C10orf90: variants seen among roughly 807,000 people sequenced by gnomAD.
The protein encoded by C10orf90 is chromosome 10 open reading frame 90.
In C10orf90, 56 loss-of-function variants were observed where a neutral mutation model predicts 62.5. The ratio of observed to expected loss-of-function variants is 0.90; its 90% CI spans 0.72 to 1.12. The LOEUF (loss-of-function observed/expected upper bound fraction) is 1.12, where lower values mean the gene tolerates loss of function less well. Ranked by LOEUF, C10orf90 falls within the 50% of genes most tolerant of loss-of-function variation. The probability of loss-of-function intolerance (pLI) is 0.00; values close to 1 mark genes in which losing one functional copy is unlikely to be tolerated. For missense variants in C10orf90, 970 were observed against 880.4 expected (o/e 1.10, Z -1.29); for synonymous variants, 386 against 340.4 (o/e 1.13, Z -1.47).
At chr10:126,464,547 C>T (rs536241590) in intron 5 of C10orf90, 149 bp downstream of exon 5, 3 of 946,974 alleles carry the variant, frequency 3.2e-6, no homozygotes, top group Non-Finnish European at 4.8e-6. Flanking sequence ...ACTTGGCAAC[C>T]ATTTGTCCCC....
chr10:126,626,501 T>G (rs1414104880), intron 2 of C10orf90, among the ~76,000 whole-genome samples: 1 of 152,202 alleles, frequency 6.6e-6, no homozygotes, highest in Non-Finnish European at 1.5e-5. Context: ...CCACCTGTCT[T>G]GCCTCGTGTG....
chr10:126,572,082 C>T (rs545438834), intron 2 of C10orf90, among the ~76,000 whole-genome samples: 2 of 152,234 alleles, frequency 1.3e-5, no homozygotes, highest in East Asian at 1.9e-4. Context: ...AATAAGGCTA[C>T]GACCTGCTGG....
chr10:126,565,050 A>AAAATATATATT (rs1844307413), intron 2 of C10orf90, among the ~76,000 whole-genome samples: 1 of 24,586 alleles, frequency 4.1e-5, no homozygotes, highest in Non-Finnish European at 7.4e-5. Context: ...TATAATATAT[A>AAAATATATATT]ATATATAAAA....
At chr10:126,443,727 A>C (rs1858553950) in intron 7 of C10orf90, among the ~76,000 whole-genome samples, 1 of 152,062 alleles carries the variant, frequency 6.6e-6, no homozygotes, top group Non-Finnish European at 1.5e-5. Flanking sequence ...CCAAAACAGA[A>C]AACTACAGAC....
intron 4 of C10orf90, among the ~76,000 whole-genome samples, chr10:126,475,908 C>T (rs1157276667): frequency 6.6e-6 from 1 of 152,252 alleles, no homozygotes; most frequent in East Asian, 1.9e-4. Context: ...GATACGTATT[C>T]AACGTCCAAA....
chr10:126,538,781 C>G (rs1211568668), intron 2 of C10orf90, among the ~76,000 whole-genome samples: 3 of 152,160 alleles, frequency 2.0e-5, no homozygotes, highest in South Asian at 4.1e-4. Flanking sequence ...CCATGCTTAA[C>G]CCTGTACCAT....
intron 2 of C10orf90, among the ~76,000 whole-genome samples, chr10:126,548,387 A>G (rs906346824): frequency 1.8e-4 from 28 of 151,982 alleles, no homozygotes; most frequent in Admixed American, 1.8e-3. Flanking sequence ...TTTTTTTTAG[A>G]CAAAGTCTCT....
Position 126,456,616 on chromosome 10 carries a change from C to T in C10orf90, c.2188+2424G>A, listed in dbSNP as rs1378733660. Among the ~76,000 whole-genome samples, 6 of 152,198 alleles carry T rather than the reference C, an allele frequency of 3.9e-5. No individual in the cohort carries two copies. The highest frequency in any genetic ancestry group is 8.8e-5 in the Non-Finnish European group (6 of 68,040). On this transcript the variant is annotated intron_variant, in intron 7 of 9. Transcript: ENST00000488181. The surrounding 1 kb of genome is among the most constrained non-coding windows in gnomAD (Gnocchi z 4.9). ...ATGTTTAAGTCCTAATCCCCCATAA[C>T]TCTGAATGTGACTTCTTTGGAAATA...
At chr10:126,462,013 C>T (rs1178827672) in intron 5 of C10orf90, among the ~76,000 whole-genome samples, 1 of 152,138 alleles carries the variant, frequency 6.6e-6, no homozygotes, top group Non-Finnish European at 1.5e-5. Context: ...TTATAGAGCC[C>T]TCCCCTGCAC....
intron 3 of C10orf90, among the ~76,000 whole-genome samples, chr10:126,506,250 C>T (rs537875678): frequency 2.0e-5 from 3 of 152,168 alleles, no homozygotes; most frequent in Non-Finnish European, 4.4e-5. Flanking sequence ...AGCATCTAAC[C>T]AGGTCTATAC....
intron 2 of C10orf90, among the ~76,000 whole-genome samples, chr10:126,584,000 G>A (rs1428115980): frequency 6.6e-6 from 1 of 152,000 alleles, no homozygotes; most frequent in Non-Finnish European, 1.5e-5. Flanking sequence ...CATGCCTGTA[G>A]TCCCAGCTAC....
intron 2 of C10orf90, among the ~76,000 whole-genome samples, chr10:126,600,629 A>T (rs1301956433): frequency 6.6e-6 from 1 of 152,204 alleles, no homozygotes; most frequent in African/African-American, 2.4e-5. Context: ...TAAACAGAAG[A>T]TATCTACGTC....
At chr10:126,434,525 G>A (rs1425255030) in intron 7 of C10orf90, among the ~76,000 whole-genome samples, 1 of 152,180 alleles carries the variant, frequency 6.6e-6, no homozygotes, top group East Asian at 1.9e-4. Flanking sequence ...CACTTTGAAG[G>A]ATGTTTTAGA....
At chr10:126,518,830 T>C (rs1454481903) in intron 2 of C10orf90, among the ~76,000 whole-genome samples, 1 of 151,996 alleles carries the variant, frequency 6.6e-6, no homozygotes, top group Non-Finnish European at 1.5e-5. Flanking sequence ...TCCCAGAGAC[T>C]ACAACCACCA....
chr10:126,560,720 G>T (rs72839026), intron 2 of C10orf90, among the ~76,000 whole-genome samples: 17,638 of 152,182 alleles, frequency 0.12, 1,340 homozygotes, highest in Non-Finnish European at 0.18. Flanking sequence ...CATAGGCTTT[G>T]CAGGCCATGC....
chr10:126,655,784 TAACTCAG>T (rs1327607168), intron 1 of C10orf90, among the ~76,000 whole-genome samples: 1 of 149,616 alleles, frequency 6.7e-6, no homozygotes, highest in Non-Finnish European at 1.5e-5. Context: ...CTTTAACTTT[TAACTCAG>T]TTGTTGTTTT....
At chr10:126,638,438 A>G (rs1591164988) in intron 2 of C10orf90, among the ~76,000 whole-genome samples, 1 of 151,936 alleles carries the variant, frequency 6.6e-6, no homozygotes, top group Non-Finnish European at 1.5e-5. Flanking sequence ...GCCTCTCACC[A>G]TGCCCCTAGG....
intron 4 of C10orf90, among the ~76,000 whole-genome samples, chr10:126,492,061 T>C (rs1324947266): frequency 2.0e-5 from 3 of 152,212 alleles, no homozygotes; most frequent in South Asian, 2.1e-4. Context: ...CTGGATCGGA[T>C]CCTGGAACAG....
chr10:126,490,398 CTAATGGGAAGTTAGTGTT>C (rs1171328496), intron 4 of C10orf90, among the ~76,000 whole-genome samples: 3 of 150,940 alleles, frequency 2.0e-5, no homozygotes, highest in Non-Finnish European at 4.4e-5. Flanking sequence ...GAGTTAGTGT[CTAATGGGAAGTTAGTGTT>C]TAATGGGGAG....
Sources: gnomAD v4.1 joint callset for allele counts (sites outside exome capture counted in the v4.1 genomes callset) on GRCh38, gnomAD v4.1.1 for gene constraint, Gnocchi (gnomAD v3.1) non-coding constraint, MANE v1.5 for transcripts, NCBI Gene and HGNC (gene_info 2026-07-23, HGNC 2026-07-21) for gene names.